Variants in BLM observed in about 807,000 individuals in gnomAD.
BLM encodes the protein BLM RecQ like helicase, also known as recQ-like DNA helicase BLM.
Under a neutral mutation model 135.3 loss-of-function variants are expected in BLM, and 95 were observed. That is an observed-to-expected ratio of 0.70 (90% CI 0.59 to 0.83). BLM has a LOEUF of 0.83. BLM is among the 40% of genes least tolerant of loss of function. BLM has a pLI of 0.00. For missense variants in BLM, 1,518 were observed against 1,663.9 expected (o/e 0.91, Z 1.53); for synonymous variants, 520 against 589.2 (o/e 0.88, Z 1.70).
rs1217701232 is a variant in BLM at position 90,766,933 on chromosome 15, T to C, written c.2217T>C (p.Gly739=). The C allele has an allele frequency of 1.2e-6, 2 of 1,601,714 alleles. No individual in the cohort carries two copies. Among genetic ancestry groups the C allele is most frequent in the Non-Finnish European group, 1.7e-6 (2 of 1,169,742 alleles). Residue 739 remains glycine (G), a synonymous_variant, in exon 10 of 22, where the codon GGT becomes GGC. Transcript: ENST00000355112. The part of the protein sequence containing the change: ...SLDIPATYLT[G]DKTDSEATNI... ...AGATTCCAGCTACATATCTGACAGG[T>C]GATAAGACTGACTCAGAAGCTACAA...
chr15:90,728,262 C>T (rs1894969234), intron 1 of BLM, among the ~76,000 whole-genome samples: 2 of 152,210 alleles, frequency 1.3e-5, no homozygotes, highest in African/African-American at 4.8e-5. Context: ...TCTCAAACTC[C>T]TGGGCTCAAG....
chr15:90,776,681 C>G (rs1896485433), intron 12 of BLM, among the ~76,000 whole-genome samples: 1 of 152,108 alleles, frequency 6.6e-6, no homozygotes, highest in African/African-American at 2.4e-5. Flanking sequence ...ACCACCATGC[C>G]TGGCTAATTT....
chr15:90,726,486 T>G (rs1342900830), intron 1 of BLM, among the ~76,000 whole-genome samples: 3 of 152,180 alleles, frequency 2.0e-5, no homozygotes, highest in Non-Finnish European at 4.4e-5. Flanking sequence ...CAGGCTGATC[T>G]CAAACTCCTG....
chr15:90,717,589 C>G (rs1273812551), intron 1 of BLM, 149 bp downstream of exon 1: 2 of 152,310 alleles, frequency 1.3e-5, no homozygotes, highest in African/African-American at 4.8e-5. Flanking sequence ...GGCCAACATC[C>G]TGGGAGGACA....
chr15:90,790,528 T>G, intron 14 of BLM, 121 bp from the exon 15 acceptor site: 1 of 902,028 alleles, frequency 1.1e-6, no homozygotes, highest in Non-Finnish European at 1.8e-6. Context: ...AGATATTAGG[T>G]TGTTATGTAG....
chr15:90,741,619 A>G (rs1401490713), intron 1 of BLM, among the ~76,000 whole-genome samples: 1 of 152,122 alleles, frequency 6.6e-6, no homozygotes, highest in African/African-American at 2.4e-5. Context: ...AAAACTATGA[A>G]GGGTCTGAGA....
chr15:90,721,058 T>G (rs1468962636), intron 1 of BLM, among the ~76,000 whole-genome samples: 1 of 152,168 alleles, frequency 6.6e-6, no homozygotes, highest in Non-Finnish European at 1.5e-5. Context: ...TCTAAATAAA[T>G]TATTTATTTT....
At chr15:90,812,852 A>G (rs181710643) in intron 21 of BLM, among the ~76,000 whole-genome samples, 145 of 152,382 alleles carry the variant, frequency 9.5e-4, no homozygotes, top group African/African-American at 3.2e-3. Context: ...TAAAGGCATT[A>G]GAAAACGTTA....
intron 14 of BLM, among the ~76,000 whole-genome samples, chr15:90,787,691 G>A (rs539577450): frequency 6.0e-4 from 91 of 152,282 alleles, no homozygotes; most frequent in African/African-American, 1.6e-3. Flanking sequence ...GCTCACCCCT[G>A]TAATCCCACC....
At chr15:90,785,197 G>C in intron 14 of BLM, 116 bp downstream of exon 14, 3 of 1,169,126 alleles carry the variant, frequency 2.6e-6, no homozygotes, top group Non-Finnish European at 3.6e-6. Flanking sequence ...ATCAAAATAA[G>C]ACTGAAATTT....
intron 1 of BLM, among the ~76,000 whole-genome samples, chr15:90,739,470 G>T (rs1019127498): frequency 6.6e-6 from 1 of 152,144 alleles, no homozygotes; most frequent in African/African-American, 2.4e-5. Context: ...CAGCTACTCC[G>T]GAGGCAGAGG....
intron 17 of BLM, among the ~76,000 whole-genome samples, chr15:90,800,548 C>T (rs1164177403): frequency 6.6e-6 from 1 of 152,096 alleles, no homozygotes; most frequent in Non-Finnish European, 1.5e-5. Flanking sequence ...GGCGTGGTGG[C>T]ACACACCAGT....
intron 4 of BLM, among the ~76,000 whole-genome samples, chr15:90,754,096 T>G (rs1895755207): frequency 6.6e-6 from 1 of 152,204 alleles, no homozygotes; most frequent in South Asian, 2.1e-4. Context: ...TTCCCCATAC[T>G]TGTCATTCAG....
chr15:90,745,543 G>A (rs1193520368), intron 1 of BLM, among the ~76,000 whole-genome samples: 2 of 152,014 alleles, frequency 1.3e-5, no homozygotes, highest in African/African-American at 4.8e-5. Flanking sequence ...CTGAGTAGCA[G>A]GGACCACAGG....
chr15:90,746,662 A>G (rs1895509278), intron 1 of BLM, among the ~76,000 whole-genome samples: 1 of 152,166 alleles, frequency 6.6e-6, no homozygotes, highest in Non-Finnish European at 1.5e-5. Flanking sequence ...AAAGGTAGGG[A>G]AAAGGGTTTA....
intron 1 of BLM, among the ~76,000 whole-genome samples, chr15:90,742,332 A>G (rs974869845): frequency 6.6e-6 from 1 of 152,066 alleles, no homozygotes; most frequent in East Asian, 1.9e-4. Context: ...TTCAGGAACC[A>G]CCCCCTAAAA....
chr15:90,718,956 C>CT (rs1894685431), intron 1 of BLM, among the ~76,000 whole-genome samples: 1 of 152,008 alleles, frequency 6.6e-6, no homozygotes, highest in African/African-American at 2.4e-5. Flanking sequence ...CTGTTTTTTC[C>CT]TTTTTCATAG....
chr15:90,742,997 ACT>A (rs1491548961), intron 1 of BLM, among the ~76,000 whole-genome samples: 1 of 127,626 alleles, frequency 7.8e-6, no homozygotes, highest in Non-Finnish European at 1.6e-5. Flanking sequence ...ATTTCCTGTG[ACT>A]TTTTTTTTTT....
intron 5 of BLM, among the ~76,000 whole-genome samples, chr15:90,756,692 T>A (rs1269360545): frequency 2.0e-5 from 3 of 152,364 alleles, no homozygotes; most frequent in Middle Eastern, 3.4e-3. Context: ...CCACTTCTTG[T>A]TCAGCTAGTT....
Sources: allele counts gnomAD v4.1 joint callset (sites outside exome capture counted in the v4.1 genomes callset), GRCh38; gene constraint gnomAD v4.1.1; transcripts MANE v1.5; gene names NCBI Gene and HGNC (gene_info 2026-07-23, HGNC 2026-07-21).